Variants in PRH1 observed in about 807,000 individuals in gnomAD.
PRH1 encodes the protein proline rich protein HaeIII subfamily 1, also known as salivary acidic proline-rich phosphoprotein 1/2.
In PRH1, 7 loss-of-function variants were observed where a neutral mutation model predicts 7.9. The observed-to-expected ratio is 0.89, with a 90% CI of 0.50 to 1.67. The LOEUF (loss-of-function observed/expected upper bound fraction) is 1.67. PRH1 is among the 40% of genes most tolerant of loss of function. PRH1 has a pLI of 0.00. For synonymous variants in PRH1, 45 were observed against 80.8 expected, an observed-to-expected ratio of 0.56 and a Z score of 2.38; for missense variants, 109 against 223.6, an observed-to-expected ratio of 0.49 and a Z score of 3.27.
At chr12:11,042,690 C>A (rs1942758433) in intron 1 of PRH1, among the ~76,000 whole-genome samples, 1 of 135,004 alleles carries the variant, frequency 7.4e-6, no homozygotes, top group Admixed American at 8.7e-5. Context: ...AGTTCAGTGG[C>A]ATGCTCTCCA....
chr12:10,980,585 A>T (rs1361427460), intron 1 of PRH1, among the ~76,000 whole-genome samples: 1 of 152,092 alleles, frequency 6.6e-6, no homozygotes, highest in Non-Finnish European at 1.5e-5. Flanking sequence ...ATATATAAAT[A>T]CATATGAATA....
intron 1 of PRH1, among the ~76,000 whole-genome samples, chr12:11,067,148 C>T (rs1177187822): frequency 2.0e-5 from 3 of 150,640 alleles, no homozygotes; most frequent in Non-Finnish European, 4.4e-5. Context: ...CACAAACATG[C>T]TCAAAGATCA....
intron 1 of PRH1, among the ~76,000 whole-genome samples, chr12:11,145,981 T>C (rs1946848035): frequency 6.6e-6 from 1 of 152,170 alleles, no homozygotes; most frequent in Admixed American, 6.5e-5. Flanking sequence ...TTAGAAACGT[T>C]TCAGAAATAT....
At chr12:10,921,008 T>C (rs1447292621) in intron 2 of PRH1, among the ~76,000 whole-genome samples, 3 of 152,096 alleles carry the variant, frequency 2.0e-5, no homozygotes, top group African/African-American at 7.2e-5. Flanking sequence ...TTTCTAGTTT[T>C]AAATTATCTT....
chr12:10,913,555 TC>T (rs572125473), intron 2 of PRH1, among the ~76,000 whole-genome samples: 12 of 152,372 alleles, frequency 7.9e-5, no homozygotes, highest in Non-Finnish European at 1.5e-4. Flanking sequence ...TTTTAACTTC[TC>T]TTTGTTATTA....
intron 2 of PRH1, chr12:10,909,279 C>G: frequency 1.2e-6 from 2 of 1,612,338 alleles, no homozygotes; most frequent in Non-Finnish European, 1.7e-6. Context: ...AGTGAAGATA[C>G]TCGGCAGGGC....
chr12:11,074,222 AGC>A (rs1340945724), intron 1 of PRH1, among the ~76,000 whole-genome samples: 11,284 of 133,926 alleles, frequency 0.084, no homozygotes, highest in East Asian at 0.24. Flanking sequence ...AATTAAAAAG[AGC>A]ACAGTCTGAT....
intron 1 of PRH1, among the ~76,000 whole-genome samples, chr12:11,025,227 C>T (rs1251946064): frequency 1.3e-5 from 2 of 152,028 alleles, no homozygotes; most frequent in Non-Finnish European, 2.9e-5. Flanking sequence ...ACCGTGTTAG[C>T]CAGCATGGAT....
intron 2 of PRH1, among the ~76,000 whole-genome samples, chr12:10,910,607 CG>C (rs1251417912): frequency 6.6e-6 from 1 of 152,104 alleles, no homozygotes; most frequent in Non-Finnish European, 1.5e-5. Flanking sequence ...TGCAGATAAG[CG>C]GGGACTAATG....
intron 1 of PRH1, among the ~76,000 whole-genome samples, chr12:11,137,617 G>T (rs1438532447): frequency 6.6e-6 from 1 of 152,042 alleles, no homozygotes; most frequent in Admixed American, 6.6e-5. Flanking sequence ...ATAGTGAAAA[G>T]AGGATTAGTT....
At chr12:11,143,116 CA>C (rs34247889) in intron 1 of PRH1, among the ~76,000 whole-genome samples, 68,931 of 149,628 alleles carry the variant, frequency 0.46, 16,442 homozygotes, top group Non-Finnish European at 0.53. Context: ...CATGAACTGA[CA>C]AAAAAAAAAT....
chr12:10,998,405 A>T (rs1940409942), intron 1 of PRH1, among the ~76,000 whole-genome samples: 1 of 152,116 alleles, frequency 6.6e-6, no homozygotes, highest in Non-Finnish European at 1.5e-5. Flanking sequence ...AAATACACAG[A>T]ATCTAAACTT....
chr12:11,105,441 T>C (rs1206853243), intron 1 of PRH1, among the ~76,000 whole-genome samples: 2 of 152,174 alleles, frequency 1.3e-5, no homozygotes, highest in Non-Finnish European at 2.9e-5. Context: ...CTGTGACCAA[T>C]GTCAAACAGG....
At chr12:11,135,157 T>A (rs1436246927) in intron 1 of PRH1, among the ~76,000 whole-genome samples, 1 of 152,194 alleles carries the variant, frequency 6.6e-6, no homozygotes. Context: ...AGCAATTTTA[T>A]AAGTATTCCT....
intron 2 of PRH1, among the ~76,000 whole-genome samples, chr12:10,967,963 C>T (rs988497942): frequency 1.3e-5 from 2 of 152,198 alleles, no homozygotes; most frequent in African/African-American, 4.8e-5. Flanking sequence ...TGCCTGTCAT[C>T]TCAGCTACTC....
chr12:10,986,452 A>G (rs1939633177), intron 1 of PRH1: 1 of 1,613,970 alleles, frequency 6.2e-7, no homozygotes, highest in Admixed American at 1.7e-5. Context: ...AAAAATATCA[A>G]AGTCCCCAAC....
intron 1 of PRH1, among the ~76,000 whole-genome samples, chr12:10,992,967 T>C (rs1371122721): frequency 2.0e-5 from 3 of 152,178 alleles, no homozygotes; most frequent in East Asian, 1.9e-4. Flanking sequence ...CTAACCGCAT[T>C]GTCCAAGGAA....
At chr12:11,005,097 C>A (rs774098439) in intron 1 of PRH1, among the ~76,000 whole-genome samples, 3 of 152,076 alleles carry the variant, frequency 2.0e-5, no homozygotes, top group Non-Finnish European at 4.4e-5. Flanking sequence ...TTTTTAAATT[C>A]TCTGACCAGT....
intron 2 of PRH1, among the ~76,000 whole-genome samples, chr12:10,927,231 C>A (rs1240517365): frequency 6.6e-6 from 1 of 152,180 alleles, no homozygotes; most frequent in South Asian, 2.1e-4. Flanking sequence ...TTCTCCGTTA[C>A]CCACATCATC....
Sources: gnomAD v4.1 joint callset for allele counts (sites outside exome capture counted in the v4.1 genomes callset) on GRCh38, gnomAD v4.1.1 for gene constraint, MANE v1.5 for transcripts, NCBI Gene and HGNC (gene_info 2026-07-23, HGNC 2026-07-21) for gene names.